Variants in STK39 observed in about 807,000 individuals in gnomAD.
The protein encoded by STK39 is serine/threonine kinase 39.
Under a neutral mutation model 77.8 loss-of-function variants are expected in STK39, and 20 were observed. The observed-to-expected ratio is 0.26, with a 90% CI of 0.18 to 0.37. The LOEUF is 0.37. Ranked by LOEUF, STK39 falls within the 10% of genes least tolerant of loss-of-function variation. The pLI is 1.00. For synonymous variants in STK39, 246 were observed against 234.1 expected (o/e 1.05, Z -0.47); for missense variants, 479 against 656.5 (o/e 0.73, Z 2.95).
At chr2:168,246,076 TGAA>T in intron 1 of STK39, among the ~76,000 whole-genome samples, 1 of 152,116 alleles carries the variant, frequency 6.6e-6, no homozygotes, top group East Asian at 1.9e-4. Flanking sequence ...TAAAAGGAGG[TGAA>T]GAATTTTTTG....
chr2:168,180,773 C>T (rs960360515), intron 2 of STK39, among the ~76,000 whole-genome samples: 4 of 152,042 alleles, frequency 2.6e-5, no homozygotes, highest in Admixed American at 6.6e-5. Flanking sequence ...ATTTCAAGGC[C>T]GTTAAAAGCC....
At chr2:168,185,487 C>CT (rs753166829) in intron 1 of STK39, among the ~76,000 whole-genome samples, 5 of 152,168 alleles carry the variant, frequency 3.3e-5, no homozygotes, top group Non-Finnish European at 7.4e-5. Flanking sequence ...CAGATTTTTC[C>CT]TTTAGTTGAC....
chr2:168,164,025 A>T (rs1475173168), intron 3 of STK39, 145 bp from the exon 4 acceptor site: 1 of 1,266,892 alleles, frequency 7.9e-7, no homozygotes, highest in Non-Finnish European at 1.1e-6. Flanking sequence ...AAACAATTGA[A>T]TGGGGGCCCC....
intron 10 of STK39, among the ~76,000 whole-genome samples, chr2:168,121,224 T>C (rs1687397534): frequency 6.6e-6 from 1 of 152,244 alleles, no homozygotes; most frequent in Non-Finnish European, 1.5e-5. Context: ...TTTGGCCATG[T>C]GACTTTGGGC....
intron 14 of STK39, among the ~76,000 whole-genome samples, chr2:168,058,252 T>C (rs1685575918): frequency 6.6e-6 from 1 of 152,220 alleles, no homozygotes; most frequent in African/African-American, 2.4e-5. Context: ...GCAAATATAC[T>C]TGACCTATTG....
chr2:168,129,147 C>T (rs1687617258), intron 10 of STK39, among the ~76,000 whole-genome samples: 1 of 152,160 alleles, frequency 6.6e-6, no homozygotes, highest in African/African-American at 2.4e-5. Flanking sequence ...CTATTCAAAC[C>T]ATTAAAAGTT....
intron 10 of STK39, among the ~76,000 whole-genome samples, chr2:168,084,185 G>A (rs912493198): frequency 6.6e-6 from 1 of 152,162 alleles, no homozygotes; most frequent in Non-Finnish European, 1.5e-5. Context: ...TGGGCATGGT[G>A]GGGGGAAGGG....
At chr2:168,118,388 T>C (rs1198125237) in intron 10 of STK39, among the ~76,000 whole-genome samples, 3 of 152,112 alleles carry the variant, frequency 2.0e-5, no homozygotes, top group Non-Finnish European at 4.4e-5. Flanking sequence ...TCTCTTACAA[T>C]AATTTCAGAG....
At chr2:168,221,237 C>A (rs1690160324) in intron 1 of STK39, among the ~76,000 whole-genome samples, 1 of 152,132 alleles carries the variant, frequency 6.6e-6, no homozygotes, top group Admixed American at 6.5e-5. Flanking sequence ...AACAAAAAAA[C>A]CATTGTTTCT....
intron 5 of STK39, among the ~76,000 whole-genome samples, chr2:168,159,758 G>A (rs1468829305): frequency 6.6e-6 from 1 of 152,160 alleles, no homozygotes; most frequent in African/African-American, 2.4e-5. Flanking sequence ...TATTACACAA[G>A]CATGAAGTCG....
At position 167,954,241 on chromosome 2, in the gene STK39, G is replaced by T. The variant is rs1055749538; in HGVS notation, c.*1255C>A. On this transcript the variant is annotated 3_prime_UTR_variant, in exon 18 of 18. Transcript: ENST00000355999. ...TAAAGAGCTGCCATATCTAGGGTTA[G>T]CTAGGAAAGAGCAATGGTACCATCC... The T allele has an allele frequency of 6.6e-6, 1 of 152,500 alleles. No individual in the cohort carries two copies. The highest frequency in any genetic ancestry group is 6.5e-5 in the Admixed American group (1 of 15,272). The allele number at this position is 152,500 out of a possible 1,614,324, so 9.4% of individuals were successfully genotyped here.
chr2:168,203,178 T>C (rs1574552168), intron 1 of STK39, among the ~76,000 whole-genome samples: 2 of 151,996 alleles, frequency 1.3e-5, no homozygotes, highest in South Asian at 4.2e-4. Flanking sequence ...TTTCAGAGGC[T>C]CAGGGAAGAG....
chr2:168,135,648 A>G lies in STK39; in HGVS notation c.974+2440T>C, dbSNP rs898013102. Among the ~76,000 whole-genome samples the G allele has an allele frequency of 9.2e-5, 14 of 152,236 alleles. 1 individual carries two copies. Among genetic ancestry groups the G allele is most frequent in the Non-Finnish European group, 1.9e-4 (13 of 68,046 alleles). On this transcript the variant is annotated intron_variant, in intron 8 of 17. Transcript: ENST00000355999. The stretch of plus-strand genomic sequence containing the variant: ...TACTTATCAAATTAGTCATGAATTC[A>G]TATGTTGAAATTGCATCCTATCTAA...
At chr2:168,030,774 G>A (rs967507254) in intron 14 of STK39, among the ~76,000 whole-genome samples, 2 of 152,326 alleles carry the variant, frequency 1.3e-5, no homozygotes, top group East Asian at 1.9e-4. Flanking sequence ...CCCTTGGGCA[G>A]AGCCACTATA....
At chr2:168,094,108 G>A (rs541110598) in intron 10 of STK39, among the ~76,000 whole-genome samples, 10 of 152,172 alleles carry the variant, frequency 6.6e-5, no homozygotes, top group South Asian at 4.2e-4. Context: ...CATGCTGTGC[G>A]CCATTCCAAC....
At chr2:168,206,827 A>C (rs181278772) in intron 1 of STK39, among the ~76,000 whole-genome samples, 1 of 152,352 alleles carries the variant, frequency 6.6e-6, no homozygotes, top group East Asian at 1.9e-4. Flanking sequence ...ATTCAAAGAC[A>C]GTGATCAATT....
intron 10 of STK39, among the ~76,000 whole-genome samples, chr2:168,124,974 G>T (rs186487405): frequency 2.7e-3 from 410 of 152,174 alleles, no homozygotes; most frequent in Admixed American, 5.3e-3. Flanking sequence ...GGTCTGTAGG[G>T]GGGTGGGGGA....
chr2:168,048,222 T>C (rs1685296447), intron 14 of STK39, among the ~76,000 whole-genome samples: 1 of 151,828 alleles, frequency 6.6e-6, no homozygotes, highest in Non-Finnish European at 1.5e-5. Context: ...TATGCTTTTT[T>C]TTTTTTTTGA....
At chr2:168,222,893 A>C (rs750681862) in intron 1 of STK39, among the ~76,000 whole-genome samples, 2 of 152,208 alleles carry the variant, frequency 1.3e-5, no homozygotes, top group African/African-American at 2.4e-5. Flanking sequence ...GTATGGACTA[A>C]ATGAGCTAAA....
Sources: gnomAD v4.1 joint callset for allele counts (sites outside exome capture counted in the v4.1 genomes callset) on GRCh38, gnomAD v4.1.1 for gene constraint, MANE v1.5 for transcripts, NCBI Gene and HGNC (gene_info 2026-07-23, HGNC 2026-07-21) for gene names.